The following BOLL variants were observed in gnomAD, a reference collection of about 807,000 sequenced individuals.
BOLL encodes protein boule-like.
BOLL carries 23 observed loss-of-function variants against 44.4 expected under a neutral mutation model. That is an observed-to-expected ratio of 0.52 (90% CI 0.37 to 0.73). The LOEUF is 0.73. Ranked by LOEUF, BOLL falls within the 30% of genes least tolerant of loss-of-function variation. BOLL has a pLI of 0.00. For missense variants in BOLL, 287 were observed against 338.3 expected, an observed-to-expected ratio of 0.85 and a Z score of 1.19; for synonymous variants, 97 against 110.8, an observed-to-expected ratio of 0.88 and a Z score of 0.78.
intron 6 of BOLL, among the ~76,000 whole-genome samples, 196 bp downstream of exon 6, chr2:197,771,659 T>C (rs551352536): frequency 1.3e-5 from 2 of 152,132 alleles, no homozygotes; most frequent in African/African-American, 4.8e-5. Context: ...GTAAGGAGAA[T>C]TGACCTGAAG....
chr2:197,729,514 G>A (rs1165087436), intron 10 of BOLL, among the ~76,000 whole-genome samples: 4 of 152,214 alleles, frequency 2.6e-5, no homozygotes, highest in East Asian at 3.9e-4. Flanking sequence ...TGGGGGCAGG[G>A]CACAGACAAA....
intron 1 of BOLL, among the ~76,000 whole-genome samples, chr2:197,782,461 T>C (rs1191151177): frequency 6.6e-6 from 1 of 152,226 alleles, no homozygotes; most frequent in Non-Finnish European, 1.5e-5. Context: ...CAGCTATAGT[T>C]TTAGCCTCGA....
rs369412307 is a variant in BOLL, at chr2:197,743,085, A to C, written c.804T>G (p.Pro268=). Residue 268 remains proline, a synonymous_variant, in exon 10 of 11, where the codon CCT becomes CCG. Transcript: ENST00000392296. ...CTTTAATTGGCTCAGGCTGCATCAC[A>C]GGCGCAGGCATAGTGATGGCACTTG... ...YAPSAITMPA[P]VMQPEPIKTV... 11 of 1,600,806 alleles carry C rather than the reference A, an allele frequency of 6.9e-6. No individual in the cohort carries two copies. In the African/African-American group the frequency reaches 9.4e-5, roughly 14 times the overall value.
At chr2:197,735,203 C>T (rs1206683912) in intron 10 of BOLL, among the ~76,000 whole-genome samples, 3 of 151,990 alleles carry the variant, frequency 2.0e-5, no homozygotes, top group Non-Finnish European at 4.4e-5. Context: ...TTATTCCTGC[C>T]ATTCTGAAAT....
intron 10 of BOLL, among the ~76,000 whole-genome samples, chr2:197,732,620 G>C (rs2106310789): frequency 6.6e-6 from 1 of 150,946 alleles, no homozygotes; most frequent in Admixed American, 6.6e-5. Flanking sequence ...CCATGATCAA[G>C]TGGGCTTCAT....
intron 9 of BOLL, among the ~76,000 whole-genome samples, chr2:197,749,277 AG>A (rs1378730517): frequency 1.3e-5 from 2 of 152,224 alleles, no homozygotes; most frequent in Non-Finnish European, 2.9e-5. Context: ...CACAAAGATG[AG>A]GAAAAACCAG....
chr2:197,764,516 A>G (rs1688903032), intron 7 of BOLL, among the ~76,000 whole-genome samples: 1 of 152,128 alleles, frequency 6.6e-6, no homozygotes, highest in African/African-American at 2.4e-5. Flanking sequence ...ACCTGCACAG[A>G]TATTTTTGAA....
At chr2:197,760,382 T>A (rs1306770877) in intron 7 of BOLL, among the ~76,000 whole-genome samples, 1 of 152,104 alleles carries the variant, frequency 6.6e-6, no homozygotes, top group Non-Finnish European at 1.5e-5. Flanking sequence ...AACAGTCCCA[T>A]GGGCTGTCCC....
chr2:197,735,953 G>GT (rs533065617), intron 10 of BOLL, among the ~76,000 whole-genome samples: 130 of 152,222 alleles, frequency 8.5e-4, no homozygotes, highest in African/African-American at 3.0e-3. Context: ...CTAATGGGAA[G>GT]TTCTTTGTGC....
chr2:197,777,216 G>T, intron 3 of BOLL, 103 bp from the exon 4 acceptor site: 5 of 642,120 alleles, frequency 7.8e-6, no homozygotes, highest in Non-Finnish European at 9.6e-6. Context: ...ATCGGCCACT[G>T]TAGGAGTAGG....
At chr2:197,740,916 A>G (rs943805882) in intron 10 of BOLL, among the ~76,000 whole-genome samples, 1 of 152,196 alleles carries the variant, frequency 6.6e-6, no homozygotes, top group African/African-American at 2.4e-5. Context: ...AGGTAGCGTG[A>G]TACCTCCGGC....
chr2:197,733,757 A>G (rs975676442), intron 10 of BOLL, among the ~76,000 whole-genome samples: 8 of 152,196 alleles, frequency 5.3e-5, no homozygotes, highest in Admixed American at 5.2e-4. Flanking sequence ...CTGGCTAGCC[A>G]TATGTAGAAA....
chr2:197,747,839 T>C (rs984231123), intron 9 of BOLL, among the ~76,000 whole-genome samples: 2 of 152,108 alleles, frequency 1.3e-5, no homozygotes, highest in South Asian at 2.1e-4. Flanking sequence ...TGGAACAGGA[T>C]AGAGAACTCA....
chr2:197,740,798 A>C (rs895301493), intron 10 of BOLL, among the ~76,000 whole-genome samples: 2 of 152,128 alleles, frequency 1.3e-5, no homozygotes, highest in Non-Finnish European at 2.9e-5. Flanking sequence ...GGATGAGGAA[A>C]AGGTTTGAAA....
At chr2:197,778,938 G>T in intron 3 of BOLL, 37 bp downstream of exon 3, 1 of 1,537,018 alleles carries the variant, frequency 6.5e-7, no homozygotes, top group Non-Finnish European at 8.9e-7. Flanking sequence ...TGAAAATAGA[G>T]TTGCTAATTC....
At chr2:197,751,017 G>A (rs1377123064) in intron 9 of BOLL, among the ~76,000 whole-genome samples, 1 of 152,084 alleles carries the variant, frequency 6.6e-6, no homozygotes, top group Non-Finnish European at 1.5e-5. Flanking sequence ...ACAACTACAT[G>A]GAAACTGAAC....
At chr2:197,767,344 T>C (rs1372616129) in intron 6 of BOLL, among the ~76,000 whole-genome samples, 1 of 152,024 alleles carries the variant, frequency 6.6e-6, no homozygotes, top group Non-Finnish European at 1.5e-5. Flanking sequence ...TTTTGTTTAA[T>C]GTTTGCACCC....
At position 197,745,419 on chromosome 2, in the gene BOLL, T is replaced by C. The variant is rs1687946400; in HGVS notation, c.730-2260A>G. 2.0e-5 allele frequency among the ~76,000 whole-genome samples: 3 copies of C among 152,274 alleles called. No individual in the cohort carries two copies. In the South Asian group the frequency reaches 6.2e-4, roughly 32 times the overall value. Reference sequence around the variant, plus strand: ...AACAAAAACATGCAAATATTTTGTATGGAAATACCACACAAAGTACAAGTT... The same window carrying C: ...AACAAAAACATGCAAATATTTTGTACGGAAATACCACACAAAGTACAAGTT... On this transcript the variant is annotated intron_variant, in intron 9 of 10. Coordinates refer to ENST00000392296, the MANE Select transcript of BOLL (RefSeq NM_033030.6).
intron 10 of BOLL, among the ~76,000 whole-genome samples, chr2:197,735,848 T>C (rs1003300407): frequency 6.6e-6 from 1 of 152,184 alleles, no homozygotes; most frequent in South Asian, 2.1e-4. Context: ...ATGTTTCTTA[T>C]GAATTTCTTT....
Sources: allele counts gnomAD v4.1 joint callset (sites outside exome capture counted in the v4.1 genomes callset), GRCh38; gene constraint gnomAD v4.1.1; transcripts MANE v1.5; gene names NCBI Gene and HGNC (gene_info 2026-07-23, HGNC 2026-07-21).